BLK: variants seen among roughly 807,000 people sequenced by gnomAD.
BLK encodes BLK proto-oncogene, Src family tyrosine kinase.
BLK carries 64 observed loss-of-function variants against 61.8 expected under a neutral mutation model. That is an observed-to-expected ratio of 1.03 (90% CI 0.85 to 1.27). The LOEUF is 1.27. Among genes scored for constraint, BLK ranks in the 50% most tolerant of loss-of-function variants. The pLI, the probability that BLK is intolerant of heterozygous loss-of-function variation, is 0.00. For missense variants in BLK, 853 were observed against 660.5 expected, an observed-to-expected ratio of 1.29 and a Z score of -3.19; for synonymous variants, 351 against 272.0, an observed-to-expected ratio of 1.29 and a Z score of -2.86.
chr8:11,554,346 C>A (rs558909636), intron 6 of BLK: 45 of 309,818 alleles, frequency 1.5e-4, no homozygotes, highest in Middle Eastern at 1.2e-3. Flanking sequence ...GTAAGAGATA[C>A]CCTCTTTAGC....
intron 1 of BLK, among the ~76,000 whole-genome samples, chr8:11,541,747 C>T (rs2117439377): frequency 6.6e-6 from 1 of 152,300 alleles, no homozygotes; most frequent in East Asian, 1.9e-4. Context: ...ATCTGCCCGC[C>T]TCGGCCTTCC....
chr8:11,542,779 C>A (rs951086593), intron 1 of BLK, among the ~76,000 whole-genome samples: 1 of 152,216 alleles, frequency 6.6e-6, no homozygotes, highest in Non-Finnish European at 1.5e-5. Context: ...TCTAACAAAG[C>A]CCCTGCTGTT....
At chr8:11,544,919 G>T (rs149341294) in intron 2 of BLK, among the ~76,000 whole-genome samples, 1 of 152,208 alleles carries the variant, frequency 6.6e-6, no homozygotes, top group East Asian at 1.9e-4. Flanking sequence ...AAAGAGACTC[G>T]TTCCTTTGAA....
chr8:11,542,814 A>T (rs765963662), intron 1 of BLK, among the ~76,000 whole-genome samples: 8 of 152,208 alleles, frequency 5.3e-5, no homozygotes, highest in Non-Finnish European at 1.0e-4. Context: ...TGGGTCGGAG[A>T]GAAAATGTCA....
At chr8:11,533,633 G>A (rs1479130646) in intron 1 of BLK, among the ~76,000 whole-genome samples, 2 of 149,162 alleles carry the variant, frequency 1.3e-5, no homozygotes, top group African/African-American at 4.9e-5. Context: ...AGGAGGAGGG[G>A]GAAGGGGAGG....
intron 6 of BLK, chr8:11,554,251 G>C (rs2117535498): frequency 5.1e-6 from 1 of 196,920 alleles, no homozygotes; most frequent in Non-Finnish European, 1.1e-5. Context: ...AAATGACTTT[G>C]AACAGAGCCC....
chr8:11,563,847 C>T (rs1304293574), intron 12 of BLK, 56 bp from the exon 13 acceptor site: 2 of 1,530,748 alleles, frequency 1.3e-6, no homozygotes, highest in Admixed American at 1.9e-5. Flanking sequence ...CTCAGGGCCC[C>T]CCACCCACCG....
intron 1 of BLK, among the ~76,000 whole-genome samples, chr8:11,511,209 G>T (rs1251251954): frequency 6.6e-6 from 1 of 152,150 alleles, no homozygotes; most frequent in Non-Finnish European, 1.5e-5. Context: ...TTGAATTCCT[G>T]AATACAGCTC....
At chr8:11,562,076 C>T (rs1262497255) in intron 11 of BLK, among the ~76,000 whole-genome samples, 3 of 152,144 alleles carry the variant, frequency 2.0e-5, no homozygotes, top group African/African-American at 7.2e-5. Flanking sequence ...GCCTTGACCT[C>T]CCAAAGCGCT....
chr8:11,516,112 C>T (rs1012112528), intron 1 of BLK, among the ~76,000 whole-genome samples: 2 of 152,232 alleles, frequency 1.3e-5, no homozygotes, highest in African/African-American at 4.8e-5. Context: ...TCACATACTG[C>T]TACATGGATG....
At chr8:11,512,776 G>A (rs1388847615) in intron 1 of BLK, among the ~76,000 whole-genome samples, 1 of 152,162 alleles carries the variant, frequency 6.6e-6, no homozygotes, top group Non-Finnish European at 1.5e-5. Context: ...TGATTCTGCT[G>A]TCTCAGCCTC....
chr8:11,553,632 T>C (rs1801026133), intron 6 of BLK: 1 of 182,590 alleles, frequency 5.5e-6, no homozygotes, highest in Non-Finnish European at 1.2e-5. Context: ...AAGGCCAGGC[T>C]CGGGTTCCTT....
At chr8:11,494,998 G>A (rs963640605) in intron 1 of BLK, among the ~76,000 whole-genome samples, 1 of 152,224 alleles carries the variant, frequency 6.6e-6, no homozygotes, top group African/African-American at 2.4e-5. Flanking sequence ...GGTCACAGGC[G>A]GGGAGCATCT....
At chr8:11,515,965 T>A (rs1012165056) in intron 1 of BLK, among the ~76,000 whole-genome samples, 2 of 152,200 alleles carry the variant, frequency 1.3e-5, no homozygotes, top group Admixed American at 6.5e-5. Context: ...GGTGTGGGGA[T>A]GGGTGTGCAC....
At chr8:11,521,607 A>T (rs1799451274) in intron 1 of BLK, among the ~76,000 whole-genome samples, 1 of 152,180 alleles carries the variant, frequency 6.6e-6, no homozygotes, top group South Asian at 2.1e-4. Flanking sequence ...TATGTCTTTA[A>T]TCAATTTGGA....
chr8:11,518,982 C>T (rs1799334182), intron 1 of BLK, among the ~76,000 whole-genome samples: 1 of 152,134 alleles, frequency 6.6e-6, no homozygotes, highest in African/African-American at 2.4e-5. Flanking sequence ...TGGGCCTGTG[C>T]GATGATTCTG....
At chr8:11,509,774 A>C (rs1169167678) in intron 1 of BLK, 1 of 152,152 alleles carries the variant, frequency 6.6e-6, no homozygotes, top group Non-Finnish European at 1.5e-5. Flanking sequence ...TACCCTAGAA[A>C]ATTTTGAAAA....
At position 11,543,308 on chromosome 8, in the gene BLK, C is replaced by T. The variant is rs1585387563; in HGVS notation, c.84C>T (p.Val28=). 2 of 1,613,620 alleles carry T rather than the reference C, an allele frequency of 1.2e-6. No individual in the cohort carries two copies. Among genetic ancestry groups the T allele is most frequent in the Non-Finnish European group, 1.7e-6 (2 of 1,180,018 alleles). Residue 28 remains valine (V), a synonymous_variant, in exon 2 of 13, where the codon GTC becomes GTT. Coordinates refer to ENST00000259089, the MANE Select transcript of BLK (RefSeq NM_001715.3). ...KDKGQWSPLK[V]SAQDKDAPPL... The stretch of plus-strand genomic sequence containing the variant: ...AGGGCCAATGGAGCCCCCTGAAGGT[C>T]AGCGCCCAAGACAAGGACGCCCCGC...
At chr8:11,540,153 T>C (rs1800312935) in intron 1 of BLK, among the ~76,000 whole-genome samples, 1 of 152,154 alleles carries the variant, frequency 6.6e-6, no homozygotes, top group Non-Finnish European at 1.5e-5. Flanking sequence ...TTTCTTTTAA[T>C]TACATTTTTG....
Sources: allele counts gnomAD v4.1 joint callset (sites outside exome capture counted in the v4.1 genomes callset), GRCh38; gene constraint gnomAD v4.1.1; transcripts MANE v1.5; gene names NCBI Gene and HGNC (gene_info 2026-07-23, HGNC 2026-07-21).